SYT1: variants seen among roughly 807,000 people sequenced by gnomAD.
The protein encoded by SYT1 is synaptotagmin 1.
In SYT1, 8 loss-of-function variants were observed where a neutral mutation model predicts 44.8. That is an observed-to-expected ratio of 0.18 (90% CI 0.10 to 0.32). The LOEUF is 0.32. Ranked by LOEUF, SYT1 falls within the 10% of genes least tolerant of loss-of-function variation. The probability of loss-of-function intolerance (pLI) is 1.00; values close to 1 mark genes in which losing one functional copy is unlikely to be tolerated. For synonymous variants in SYT1, 154 were observed against 188.8 expected (o/e 0.82, Z 1.51); for missense variants, 286 against 509.3 (o/e 0.56, Z 4.22).
chr12:78,993,698 T>C (rs1870172763), intron 2 of SYT1, among the ~76,000 whole-genome samples: 1 of 152,230 alleles, frequency 6.6e-6, no homozygotes, highest in African/African-American at 2.4e-5. Flanking sequence ...AAATTGCTGA[T>C]ACTTTGGTTT....
At chr12:79,335,911 A>T (rs1007518855) in intron 8 of SYT1, among the ~76,000 whole-genome samples, 9 of 152,200 alleles carry the variant, frequency 5.9e-5, no homozygotes, top group African/African-American at 2.2e-4. Context: ...TCTGTTCCAT[A>T]CTTATGTTTC....
chr12:79,291,787 C>T (rs1300333663), intron 5 of SYT1: 2 of 650,178 alleles, frequency 3.1e-6, no homozygotes, highest in Admixed American at 4.1e-5. Context: ...GGGGCTTCTT[C>T]CATCGCTTCC....
intron 3 of SYT1, among the ~76,000 whole-genome samples, chr12:79,129,055 T>C (rs956692344): frequency 6.6e-6 from 1 of 152,196 alleles, no homozygotes; most frequent in African/African-American, 2.4e-5. Context: ...GAGCATGGCC[T>C]TGGGTTACAG....
intron 4 of SYT1, among the ~76,000 whole-genome samples, chr12:79,227,481 A>C (rs1344866500): frequency 6.6e-6 from 1 of 152,222 alleles, no homozygotes; most frequent in Non-Finnish European, 1.5e-5. Flanking sequence ...CTTTAAGCAC[A>C]GTAGAAAGTC....
intron 6 of SYT1, 86 bp downstream of exon 6, chr12:79,292,216 T>C (rs2138851906): frequency 1.3e-6 from 2 of 1,483,974 alleles, no homozygotes; most frequent in East Asian, 2.4e-5. Flanking sequence ...TCTTAAAATA[T>C]TTTGTTTGCT....
intron 1 of SYT1, among the ~76,000 whole-genome samples, chr12:78,895,554 G>A (rs1005351940): frequency 2.0e-5 from 3 of 151,542 alleles, no homozygotes; most frequent in African/African-American, 7.3e-5. Flanking sequence ...ATTTTTAAAA[G>A]TATTCCATAA....
intron 4 of SYT1, among the ~76,000 whole-genome samples, chr12:79,243,931 G>C (rs938620929): frequency 6.6e-6 from 1 of 151,698 alleles, no homozygotes. Flanking sequence ...GGATGGGGGT[G>C]GCTAAATTAT....
chr12:79,015,516 TG>T (rs1420604395), intron 2 of SYT1, among the ~76,000 whole-genome samples: 2 of 152,174 alleles, frequency 1.3e-5, no homozygotes, highest in African/African-American at 4.8e-5. Flanking sequence ...ACTTTGCTAA[TG>T]ATTTAAACTA....
At chr12:79,111,489 A>C (rs1409009296) in intron 3 of SYT1, among the ~76,000 whole-genome samples, 2 of 151,974 alleles carry the variant, frequency 1.3e-5, no homozygotes, top group Non-Finnish European at 2.9e-5. Flanking sequence ...AGTTGTAATA[A>C]TTATAATAAA....
chr12:79,196,992 T>C (rs1437251566), intron 3 of SYT1, among the ~76,000 whole-genome samples: 1 of 152,226 alleles, frequency 6.6e-6, no homozygotes, highest in Non-Finnish European at 1.5e-5. Flanking sequence ...AAATGGACTG[T>C]CAAAATCAGT....
At chr12:79,027,318 A>AT (rs1350317513) in intron 2 of SYT1, among the ~76,000 whole-genome samples, 1 of 151,292 alleles carries the variant, frequency 6.6e-6, no homozygotes, top group Non-Finnish European at 1.5e-5. Flanking sequence ...ACCTGCCTAT[A>AT]TTTTTCTTCA....
intron 8 of SYT1, among the ~76,000 whole-genome samples, chr12:79,304,214 C>T (rs963484288): frequency 3.3e-5 from 5 of 152,068 alleles, no homozygotes; most frequent in East Asian, 1.9e-4. Flanking sequence ...ACACAATAGG[C>T]GTGAAAAACT....
At chr12:79,442,192 G>T (rs1291567915) in intron 9 of SYT1, among the ~76,000 whole-genome samples, 1 of 152,176 alleles carries the variant, frequency 6.6e-6, no homozygotes, top group African/African-American at 2.4e-5. Context: ...TATTTCATCA[G>T]TCCCAAAGAA....
chr12:79,331,143 T>C (rs1368159811), intron 8 of SYT1, among the ~76,000 whole-genome samples: 1 of 152,202 alleles, frequency 6.6e-6, no homozygotes, highest in African/African-American at 2.4e-5. Flanking sequence ...CAGAAAGCTT[T>C]CCCACCTAAC....
At chr12:79,427,511 G>A (rs946631427) in intron 9 of SYT1, among the ~76,000 whole-genome samples, 9 of 152,290 alleles carry the variant, frequency 5.9e-5, no homozygotes, top group East Asian at 3.9e-4. Context: ...CAATAAAAAC[G>A]GAAATGGTTC....
At chr12:79,413,299 CCTTGA>C (rs1457871034) in intron 9 of SYT1, among the ~76,000 whole-genome samples, 3 of 152,146 alleles carry the variant, frequency 2.0e-5, no homozygotes, top group African/African-American at 7.2e-5. Flanking sequence ...ACAGTTTTTC[CCTTGA>C]CTTGACTGTC....
intron 8 of SYT1, among the ~76,000 whole-genome samples, chr12:79,340,344 C>T (rs1391837877): frequency 6.6e-6 from 1 of 151,946 alleles, no homozygotes; most frequent in African/African-American, 2.4e-5. Context: ...CTTTTATTTC[C>T]TTGAGCAGTG....
At chr12:79,049,296 T>C (rs1874296500) in intron 3 of SYT1, among the ~76,000 whole-genome samples, 1 of 151,952 alleles carries the variant, frequency 6.6e-6, no homozygotes, top group African/African-American at 2.4e-5. Context: ...TAATGAGATC[T>C]CCTGTTCATT....
At chr12:78,896,441 C>A (rs1418627059) in intron 1 of SYT1, among the ~76,000 whole-genome samples, 1 of 151,440 alleles carries the variant, frequency 6.6e-6, no homozygotes, top group Non-Finnish European at 1.5e-5. Flanking sequence ...AAAATGTGGT[C>A]AAAAAACAAG....
Sources: gnomAD v4.1 joint callset for allele counts (sites outside exome capture counted in the v4.1 genomes callset) on GRCh38, gnomAD v4.1.1 for gene constraint, MANE v1.5 for transcripts, NCBI Gene and HGNC (gene_info 2026-07-23, HGNC 2026-07-21) for gene names.